Variants in TRARG1 observed in about 807,000 individuals in gnomAD.
TRARG1 encodes trafficking regulator of GLUT4 1.
A neutral mutation model predicts 13.3 loss-of-function variants in TRARG1; 16 were observed. The ratio of observed to expected loss-of-function variants is 1.20; its 90% CI spans 0.81 to 1.83. TRARG1 has a LOEUF of 1.83. Ranked by LOEUF, TRARG1 falls within the 40% of genes most tolerant of loss-of-function variation. The pLI is 0.00. For synonymous variants in TRARG1, 113 were observed against 106.2 expected, an observed-to-expected ratio of 1.06 and a Z score of -0.39; for missense variants, 250 against 237.4, an observed-to-expected ratio of 1.05 and a Z score of -0.35.
intron 1 of TRARG1, among the ~76,000 whole-genome samples, chr17:1,292,170 AAAAC>A (rs2072073965): frequency 2.2e-5 from 1 of 44,964 alleles, no homozygotes; most frequent in Non-Finnish European, 4.1e-5. Flanking sequence ...CTCCATCTCA[AAAAC>A]AAAACAAAAC....
chr17:1,282,280 A>G (rs1266534182), intron 1 of TRARG1, among the ~76,000 whole-genome samples: 2 of 147,412 alleles, frequency 1.4e-5, no homozygotes, highest in Non-Finnish European at 3.0e-5. Context: ...ATGCACGTAT[A>G]TGTACATATA....
chr17:1,295,909 C>T (rs1428181255), intron 2 of TRARG1, among the ~76,000 whole-genome samples: 5 of 152,250 alleles, frequency 3.3e-5, no homozygotes, highest in Non-Finnish European at 5.9e-5. Flanking sequence ...CCAGCTTCAG[C>T]TCTGATGGGC....
intron 1 of TRARG1, among the ~76,000 whole-genome samples, chr17:1,281,030 C>A (rs2071969315): frequency 6.6e-6 from 1 of 152,174 alleles, no homozygotes; most frequent in Non-Finnish European, 1.5e-5. Context: ...GTCTTCAGGG[C>A]AGGGGAGGTC....
At chr17:1,292,421 C>A (rs568624397) in intron 1 of TRARG1, among the ~76,000 whole-genome samples, 4 of 152,256 alleles carry the variant, frequency 2.6e-5, no homozygotes, top group African/African-American at 9.6e-5. Context: ...CTACACTGGG[C>A]CCCGCTGCTC....
At chr17:1,286,673 AG>A (rs2072027225) in intron 1 of TRARG1, among the ~76,000 whole-genome samples, 1 of 44,800 alleles carries the variant, frequency 2.2e-5, no homozygotes, top group Non-Finnish European at 4.1e-5. Context: ...TATTGGCCTG[AG>A]GGGTGTTATC....
Position 1,280,296 on chromosome 17 carries a change from G to A in TRARG1, c.295G>A (p.Glu99Lys). The change falls in exon 1 of 3, where the codon GAA (glutamate) becomes AAA (lysine). Residue 99 changes from glutamate (E) to lysine (K), a missense_variant. Glu to Lys is a moderately conservative substitution (Grantham distance 56). Transcript: ENST00000333813. Reference sequence around the variant, plus strand: ...CACCACCTCCTATGCCCAAGACCAAGAAGCCCCCAGAGATTACCTCATCCT... The same window carrying A: ...CACCACCTCCTATGCCCAAGACCAAAAAGCCCCCAGAGATTACCTCATCCT... Reference protein sequence around the residue: ...IATTSYAQDQEAPRDYLILAV... With the variant: ...IATTSYAQDQKAPRDYLILAV... 1 of 1,614,062 alleles carries A rather than the reference G, an allele frequency of 6.2e-7. No homozygotes were observed. The highest frequency in any genetic ancestry group is 8.5e-7 in the Non-Finnish European group (1 of 1,179,986).
chr17:1,282,794 A>G (rs1185525755), intron 1 of TRARG1, among the ~76,000 whole-genome samples: 1 of 150,148 alleles, frequency 6.7e-6, no homozygotes, highest in African/African-American at 2.5e-5. Flanking sequence ...GGTTCATGCA[A>G]TTCTCCTGCC....
At chr17:1,296,242 G>C (rs1022103874) in intron 2 of TRARG1, among the ~76,000 whole-genome samples, 1 of 152,170 alleles carries the variant, frequency 6.6e-6, no homozygotes, top group East Asian at 1.9e-4. Flanking sequence ...TGTTGCCCAG[G>C]CTGGAGTGCA....
chr17:1,284,072 G>A (rs1165028905), intron 1 of TRARG1, among the ~76,000 whole-genome samples: 1 of 151,406 alleles, frequency 6.6e-6, no homozygotes, highest in Non-Finnish European at 1.5e-5. Context: ...CTGAGATGGT[G>A]CCACTGCACT....
rs201241743 is a variant in TRARG1 at position 1,295,661 on chromosome 17, G to A, written c.520+38G>A. The A allele has an allele frequency of 7.3e-5, 116 of 1,591,076 alleles. 1 individual carries two copies. Among genetic ancestry groups the A allele is most frequent in the Admixed American group, 4.6e-4 (27 of 58,092 alleles). On this transcript the variant is annotated intron_variant, in intron 2 of 2. Transcript: ENST00000333813. ...TCCTTGGAGAGGAGGAAGCCAGCTT[G>A]CCTGGTGTGAGGACTGCTCAAGGGT... is the stretch of plus-strand genomic sequence containing the variant.
At chr17:1,287,525 TA>T in intron 1 of TRARG1, among the ~76,000 whole-genome samples, 1 of 151,968 alleles carries the variant, frequency 6.6e-6, no homozygotes. Flanking sequence ...CACGCCTGGC[TA>T]ATTTTTTGTA....
chr17:1,296,134 G>A (rs2072108939), intron 2 of TRARG1, among the ~76,000 whole-genome samples: 1 of 152,236 alleles, frequency 6.6e-6, no homozygotes, highest in South Asian at 2.1e-4. Flanking sequence ...CCCTTCTGTG[G>A]GCACCCATAG....
chr17:1,292,333 TC>T (rs1254233232), intron 1 of TRARG1, among the ~76,000 whole-genome samples: 1 of 152,190 alleles, frequency 6.6e-6, no homozygotes, highest in Non-Finnish European at 1.5e-5. Flanking sequence ...CCTCCCTGCC[TC>T]CCCTCTGTTC....
chr17:1,284,711 T>C (rs140592699), intron 1 of TRARG1, among the ~76,000 whole-genome samples: 2,215 of 152,028 alleles, frequency 0.015, 62 homozygotes, highest in African/African-American at 0.051. Flanking sequence ...GATGGAGTCT[T>C]GCTCTGTCGC....
Position 1,295,577 on chromosome 17 carries a change from C to A in TRARG1, c.474C>A (p.Ile158=). The change falls in exon 2 of 3, where the codon ATC becomes ATA. Residue 158 remains isoleucine, a synonymous_variant. Coordinates refer to ENST00000333813, the MANE Select transcript of TRARG1 (RefSeq NM_172367.3). ...GGCTGCTCAGCATTACCCTCATCATCATGGGCATCGTCATTATCATGGTGG... is the reference window on the plus strand; with the variant it reads ...GGCTGCTCAGCATTACCCTCATCATAATGGGCATCGTCATTATCATGGTGG... ...LARLLSITLI[I]MGIVIIMVAV... 1 of 1,613,424 alleles carries A rather than the reference C, an allele frequency of 6.2e-7. No homozygotes were observed. Among genetic ancestry groups the A allele is most frequent in the East Asian group, 2.2e-5 (1 of 44,836 alleles).
At chr17:1,291,233 C>G (rs1333465826) in intron 1 of TRARG1, among the ~76,000 whole-genome samples, 1 of 152,196 alleles carries the variant, frequency 6.6e-6, no homozygotes, top group Non-Finnish European at 1.5e-5. Context: ...GCTTCAGCCT[C>G]CTGAGTAGCG....
intron 1 of TRARG1, among the ~76,000 whole-genome samples, chr17:1,284,572 A>C (rs953064765): frequency 6.6e-6 from 1 of 152,216 alleles, no homozygotes; most frequent in African/African-American, 2.4e-5. Context: ...AGTGGGTTGT[A>C]CCGACCATTC....
At position 1,299,001 on chromosome 17, in the gene TRARG1, G is replaced by T. The variant is rs565949748; in HGVS notation, c.*737G>T. 2 of 152,300 alleles carry T rather than the reference G, an allele frequency of 1.3e-5. No individual in the cohort carries two copies. The highest frequency in any genetic ancestry group is 6.5e-5 in the Admixed American group (1 of 15,294). The allele number at this position is 152,300 out of a possible 1,614,324, so 9.4% of individuals were successfully genotyped here. On this transcript the variant is annotated 3_prime_UTR_variant, in exon 3 of 3. Coordinates refer to ENST00000333813, the MANE Select transcript of TRARG1 (RefSeq NM_172367.3). ...CCTGTCAGCTTCGGAAGCATCTCTCGAGGACTCTGGTCCCAGGATGTCTCC... is the reference window on the plus strand; with the variant it reads ...CCTGTCAGCTTCGGAAGCATCTCTCTAGGACTCTGGTCCCAGGATGTCTCC...
At chr17:1,290,756 G>C (rs1028430205) in intron 1 of TRARG1, among the ~76,000 whole-genome samples, 6 of 152,052 alleles carry the variant, frequency 3.9e-5, no homozygotes, top group Non-Finnish European at 7.4e-5. Flanking sequence ...GCTTGGCTGT[G>C]TCCCCACCCA....
Sources: allele counts gnomAD v4.1 joint callset (sites outside exome capture counted in the v4.1 genomes callset), GRCh38; gene constraint gnomAD v4.1.1; transcripts MANE v1.5; gene names NCBI Gene and HGNC (gene_info 2026-07-23, HGNC 2026-07-21).